Variants in WDR43 observed in about 807,000 individuals in gnomAD.
The protein encoded by WDR43 is WD repeat domain 43.
WDR43 carries 13 observed loss-of-function variants against 91.4 expected under a neutral mutation model. The ratio of observed to expected loss-of-function variants is 0.14; its 90% CI spans 0.09 to 0.23. WDR43 has a LOEUF of 0.23. Among genes scored for constraint, WDR43 ranks in the 10% least tolerant of loss-of-function variants. The pLI is 1.00. For synonymous variants in WDR43, 331 were observed against 287.9 expected (o/e 1.15, Z -1.51); for missense variants, 780 against 809.4 (o/e 0.96, Z 0.44).
chr2:28,944,716 T>G (rs1490174194), intron 16 of WDR43, among the ~76,000 whole-genome samples: 1 of 152,214 alleles, frequency 6.6e-6, no homozygotes, highest in African/African-American at 2.4e-5. Context: ...TGTAATTGTA[T>G]TAGTAAGCAA....
At chr2:28,902,790 T>C (rs1670600618) in intron 2 of WDR43, among the ~76,000 whole-genome samples, 1 of 152,204 alleles carries the variant, frequency 6.6e-6, no homozygotes, top group African/African-American at 2.4e-5. Flanking sequence ...AGAAATCAGG[T>C]TGCTGAGTCC....
chr2:28,894,829 C>T lies in WDR43; in HGVS notation c.131C>T (p.Ala44Val), dbSNP rs1670441762. Residue 44 changes from alanine to valine, a missense_variant, in exon 1 of 18, where the codon GCC becomes GTC. Coordinates refer to ENST00000407426, the MANE Select transcript of WDR43 (RefSeq NM_015131.3). ...GGTCACTTACGAGTATGGGAGACGGCCAACAACCGGCTGCACCAGGAGTAC... is the reference window on the plus strand; with the variant it reads ...GGTCACTTACGAGTATGGGAGACGGTCAACAACCGGCTGCACCAGGAGTAC... Reference protein sequence around the residue: ...TDGHLRVWETANNRLHQEYVP... With the variant: ...TDGHLRVWETVNNRLHQEYVP... 1 of 1,611,140 alleles carries T rather than the reference C, an allele frequency of 6.2e-7. No individual in the cohort carries two copies. The highest frequency in any genetic ancestry group is 1.3e-5 in the African/African-American group (1 of 74,918).
chr2:28,931,862 C>G (rs1276667451), intron 11 of WDR43, among the ~76,000 whole-genome samples: 2 of 147,454 alleles, frequency 1.4e-5, no homozygotes, highest in African/African-American at 5.0e-5. Flanking sequence ...TACACATGCC[C>G]TTCCCCCCGC....
At chr2:28,908,077 A>T (rs1229323264) in intron 3 of WDR43, among the ~76,000 whole-genome samples, 3 of 152,226 alleles carry the variant, frequency 2.0e-5, no homozygotes, top group Non-Finnish European at 2.9e-5. Context: ...AAGTGTGGGA[A>T]GTTAAAATGG....
At chr2:28,935,500 A>T in intron 11 of WDR43, 21 bp from the exon 12 acceptor site, 2 of 1,535,572 alleles carry the variant, frequency 1.3e-6, no homozygotes, top group Non-Finnish European at 1.8e-6. Flanking sequence ...TCATCTTAAT[A>T]ATCCTTTTAT....
chr2:28,946,492 A>G lies in WDR43; in HGVS notation c.1847A>G (p.Asp616Gly), dbSNP rs1164643819. The part of the protein sequence containing the change: ...EESDDEIADK[D>G]SEDNWDEDEE... ...TCTGATGATGAAATAGCAGATAAGG[A>G]TTCTGAAGTGAGTGATTTGTTCCCT... The change falls in exon 17 of 18, where the codon GAT becomes GGT. Residue 616 changes from aspartate (D) to glycine (G), a missense_variant. By Grantham distance (94) the Asp-to-Gly change is moderately conservative. Coordinates refer to ENST00000407426, the MANE Select transcript of WDR43 (RefSeq NM_015131.3). 1 of 1,611,956 alleles carries G rather than the reference A, an allele frequency of 6.2e-7. No homozygotes were observed. The highest frequency in any genetic ancestry group is 8.5e-7 in the Non-Finnish European group (1 of 1,179,048).
At chr2:28,926,402 CTTTG>C (rs1572595865) in intron 8 of WDR43, 62 bp from the exon 9 acceptor site, 6 of 1,208,208 alleles carry the variant, frequency 5.0e-6, no homozygotes, top group South Asian at 3.5e-5. Flanking sequence ...TTCCCAGTTG[CTTTG>C]TTTGACACTC....
chr2:28,910,678 A>AATATATATATAT (rs71403628), intron 3 of WDR43, among the ~76,000 whole-genome samples: 11,493 of 142,366 alleles, frequency 0.081, 578 homozygotes, highest in East Asian at 0.27. Flanking sequence ...TGTGTGTGTA[A>AATATATATATAT]ATATATATAT....
chr2:28,917,432 G>A (rs570796787), intron 5 of WDR43, among the ~76,000 whole-genome samples: 286 of 152,230 alleles, frequency 1.9e-3, no homozygotes, highest in African/African-American at 6.5e-3. Context: ...CAACGCAGAC[G>A]CATTCAAAAT....
chr2:28,931,470 G>A (rs977840116), intron 11 of WDR43, among the ~76,000 whole-genome samples: 6 of 152,112 alleles, frequency 3.9e-5, no homozygotes, highest in African/African-American at 1.2e-4. Flanking sequence ...TAGTTTTTTG[G>A]AAAAGTTAGG....
rs747591405 is a variant in WDR43, at chr2:28,941,447, AT to A, written c.1621-7del. 1.9e-6 allele frequency: 3 copies of A among 1,599,758 alleles called. No individual in the cohort carries two copies. The highest frequency in any genetic ancestry group is 2.6e-6 in the Non-Finnish European group (3 of 1,169,786). On this transcript the variant is annotated splice_polypyrimidine_tract_variant and intron_variant, in intron 14 of 17. Coordinates refer to ENST00000407426, the MANE Select transcript of WDR43 (RefSeq NM_015131.3). ...AATACGTTAATAGTGCCAAATGATC[AT>A]TTTTTTCTCTAGTTGCCTGACCTGG...
intron 2 of WDR43, among the ~76,000 whole-genome samples, chr2:28,903,394 T>C (rs146486550): frequency 1.5e-4 from 23 of 152,332 alleles, no homozygotes; most frequent in African/African-American, 5.1e-4. Flanking sequence ...TTATGCTTAA[T>C]ATCAGTGATA....
In WDR43 at chr2:28,939,051, GA is replaced by G. The variant is rs375369867; in HGVS notation, c.1620+1058del. 1.1e-4 allele frequency among the ~76,000 whole-genome samples: 7 copies of G among 61,428 alleles called. 1 individual carries two copies. The East Asian group carries it at 1.3e-3, about 11-fold the overall frequency. 40.3% of individuals were successfully genotyped at this position (61,428 alleles called of 152,430 possible). On this transcript the variant is annotated intron_variant, in intron 14 of 17. Coordinates refer to ENST00000407426, the MANE Select transcript of WDR43 (RefSeq NM_015131.3). Reference sequence around the variant, plus strand: ...GGAGGTGACCTGGGAGCACTGGTGAGAGGGGTTTTTGGGAGGTGACCTGGGA... The same window carrying G: ...GGAGGTGACCTGGGAGCACTGGTGAGGGGGTTTTTGGGAGGTGACCTGGGA...
intron 3 of WDR43, among the ~76,000 whole-genome samples, chr2:28,908,571 G>C (rs1383909168): frequency 6.6e-6 from 1 of 150,888 alleles, no homozygotes; most frequent in Admixed American, 6.7e-5. Flanking sequence ...CAACACGTGT[G>C]CGTTTTATTG....
At chr2:28,903,025 G>A (rs1234068126) in intron 2 of WDR43, among the ~76,000 whole-genome samples, 4 of 151,900 alleles carry the variant, frequency 2.6e-5, no homozygotes, top group Non-Finnish European at 5.9e-5. Context: ...GTCGCCGAGA[G>A]GTCCTCTTAA....
chr2:28,916,626 C>G (rs997641035), intron 5 of WDR43, among the ~76,000 whole-genome samples: 1 of 152,136 alleles, frequency 6.6e-6, no homozygotes, highest in Non-Finnish European at 1.5e-5. Flanking sequence ...CACCTACACA[C>G]ACCCACACAT....
At chr2:28,919,667 C>A (rs1435967677) in intron 6 of WDR43, among the ~76,000 whole-genome samples, 6 of 150,188 alleles carry the variant, frequency 4.0e-5, no homozygotes, top group South Asian at 2.1e-4. Context: ...AAAAAAAAAA[C>A]AAACTAGTAG....
At chr2:28,922,518 C>A (rs72784099) in intron 6 of WDR43, among the ~76,000 whole-genome samples, 4,059 of 152,282 alleles carry the variant, frequency 0.027, 79 homozygotes, top group Non-Finnish European at 0.037. Context: ...AGGCCACTTA[C>A]ATTGACCGGG....
chr2:28,940,477 G>T (rs955809916), intron 14 of WDR43, among the ~76,000 whole-genome samples: 1 of 151,956 alleles, frequency 6.6e-6, no homozygotes, highest in Admixed American at 6.6e-5. Context: ...TGATCTGCCC[G>T]CCTCAGCCTC....
Sources: gnomAD v4.1 joint callset for allele counts (sites outside exome capture counted in the v4.1 genomes callset) on GRCh38, gnomAD v4.1.1 for gene constraint, MANE v1.5 for transcripts, NCBI Gene and HGNC (gene_info 2026-07-23, HGNC 2026-07-21) for gene names.